The following ARHGAP42 variants were observed in gnomAD, a reference collection of about 807,000 sequenced individuals.
ARHGAP42 encodes the protein Rho GTPase activating protein 42, also known as rho GTPase-activating protein 42.
A neutral mutation model predicts 125.0 loss-of-function variants in ARHGAP42; 63 were observed. The ratio of observed to expected loss-of-function variants is 0.50; its 90% CI spans 0.41 to 0.62. The LOEUF is 0.62. Among genes scored for constraint, ARHGAP42 ranks in the 20% least tolerant of loss-of-function variants. ARHGAP42 has a pLI of 0.00. For missense variants in ARHGAP42, 766 were observed against 1,024.2 expected, an observed-to-expected ratio of 0.75 and a Z score of 3.44; for synonymous variants, 339 against 351.0, an observed-to-expected ratio of 0.97 and a Z score of 0.38.
intron 1 of ARHGAP42, among the ~76,000 whole-genome samples, chr11:100,695,633 G>T (rs1028443904): frequency 1.3e-5 from 2 of 152,032 alleles, no homozygotes; most frequent in Admixed American, 1.3e-4. Context: ...AGAATATTTG[G>T]TTAATCAGAA....
At chr11:100,957,288 T>A (rs541056) in intron 12 of ARHGAP42, among the ~76,000 whole-genome samples, 1 of 151,864 alleles carries the variant, frequency 6.6e-6, no homozygotes, top group Non-Finnish European at 1.5e-5. Context: ...ATAGCAGTGA[T>A]GTGTAGACAG....
chr11:100,979,098 G>T (rs761653799), intron 22 of ARHGAP42, 49 bp downstream of exon 22: 2 of 1,529,468 alleles, frequency 1.3e-6, no homozygotes, highest in South Asian at 1.2e-5. Context: ...TGGTGACATT[G>T]TTGCTTTGTA....
chr11:100,847,825 G>A (rs1398427932), intron 3 of ARHGAP42, among the ~76,000 whole-genome samples: 2 of 152,114 alleles, frequency 1.3e-5, no homozygotes, highest in South Asian at 2.1e-4. Context: ...TGAGGTGTCC[G>A]TGGGAGTGGG....
At chr11:100,836,675 G>A (rs1864793916) in intron 3 of ARHGAP42, among the ~76,000 whole-genome samples, 1 of 147,394 alleles carries the variant, frequency 6.8e-6, no homozygotes, top group African/African-American at 2.5e-5. Flanking sequence ...TCTTTTAAAT[G>A]TAAAACCTAA....
intron 4 of ARHGAP42, among the ~76,000 whole-genome samples, chr11:100,891,655 C>T (rs1866222374): frequency 6.6e-6 from 1 of 152,090 alleles, no homozygotes; most frequent in African/African-American, 2.4e-5. Context: ...GTTAGCCAAA[C>T]TGGCCTCAAA....
In ARHGAP42 at chr11:100,962,392, T is replaced by C; in HGVS notation, c.1386-17T>C. 1.3e-6 allele frequency: 2 copies of C among 1,547,956 alleles called. No individual in the cohort carries two copies. The highest frequency in any genetic ancestry group is 1.7e-6 in the Non-Finnish European group (2 of 1,143,970). ...AGATTCTACTATTCTAACATGTGTTTCCTTTCTCTGTTGTAGGTGCCTTGC... is the reference window on the plus strand; with the variant it reads ...AGATTCTACTATTCTAACATGTGTTCCCTTTCTCTGTTGTAGGTGCCTTGC... On this transcript the variant is annotated splice_polypyrimidine_tract_variant and intron_variant, in intron 15 of 23. Coordinates refer to ENST00000298815, the MANE Select transcript of ARHGAP42 (RefSeq NM_152432.4).
At chr11:100,737,871 G>C (rs1164768583) in intron 1 of ARHGAP42, among the ~76,000 whole-genome samples, 1 of 152,174 alleles carries the variant, frequency 6.6e-6, no homozygotes, top group Admixed American at 6.5e-5. Context: ...TTAGTTGCTT[G>C]CCTATTGCTC....
chr11:100,973,469 G>GT, intron 18 of ARHGAP42, 135 bp downstream of exon 18: 1 of 888,782 alleles, frequency 1.1e-6, no homozygotes, highest in Non-Finnish European at 1.7e-6. Flanking sequence ...TTTCCTTGTT[G>GT]TTTTTAAGTG....
At chr11:100,869,226 C>T (rs146058548) in intron 4 of ARHGAP42, among the ~76,000 whole-genome samples, 118 of 152,036 alleles carry the variant, frequency 7.8e-4, no homozygotes, top group African/African-American at 2.7e-3. Flanking sequence ...AGATATAGCA[C>T]TCTTATAAAG....
chr11:100,959,255 A>G lies in ARHGAP42; in HGVS notation c.1163-628A>G, dbSNP rs115745727. ...TGATCCAAAGAAAATCTAGCCAAAA[A>G]ACAATGAAAATAAATTGCAATTTCA... On this transcript the variant is annotated intron_variant, in intron 12 of 23. Transcript: ENST00000298815. Among the ~76,000 whole-genome samples the G allele has an allele frequency of 4.6e-3, 700 of 152,246 alleles. 7 individuals carry two copies. Among genetic ancestry groups the G allele is most frequent in the African/African-American group, 0.016 (658 of 41,568 alleles).
At chr11:100,896,355 C>T (rs1394183991) in intron 4 of ARHGAP42, among the ~76,000 whole-genome samples, 3 of 152,130 alleles carry the variant, frequency 2.0e-5, no homozygotes, top group Non-Finnish European at 4.4e-5. Flanking sequence ...TGGGTATATA[C>T]CCAGTAATGG....
chr11:100,871,581 G>A (rs901941964), intron 4 of ARHGAP42, among the ~76,000 whole-genome samples: 10 of 150,480 alleles, frequency 6.6e-5, no homozygotes, highest in African/African-American at 2.2e-4. Context: ...AAAAAAGCCT[G>A]TTTCCAGTAT....
chr11:100,838,725 G>GA lies in ARHGAP42; in HGVS notation c.313-20819dup, dbSNP rs71914749. On this transcript the variant is annotated intron_variant, in intron 3 of 23. Coordinates refer to ENST00000298815, the MANE Select transcript of ARHGAP42 (RefSeq NM_152432.4). ...AAACAAAATAAAACAAAAACACCAA[G>GA]AAAAAAAAAATCATAGTGTTTAAAA... 2.4e-3 allele frequency among the ~76,000 whole-genome samples: 352 copies of GA among 149,616 alleles called. 1 individual carries two copies. Among genetic ancestry groups the GA allele is most frequent in the Admixed American group, 3.5e-3 (53 of 15,072 alleles).
chr11:100,721,553 A>G (rs1332924270), intron 1 of ARHGAP42, among the ~76,000 whole-genome samples: 1 of 151,300 alleles, frequency 6.6e-6, no homozygotes, highest in Admixed American at 6.6e-5. Context: ...GCTCACTGCA[A>G]CCTCTGCCTC....
At chr11:100,719,562 T>C (rs973472829) in intron 1 of ARHGAP42, among the ~76,000 whole-genome samples, 39 of 152,182 alleles carry the variant, frequency 2.6e-4, no homozygotes, top group Admixed American at 1.5e-3. Flanking sequence ...GAGGTCAGAT[T>C]TGTGATGCAA....
chr11:100,699,575 G>T, intron 1 of ARHGAP42, among the ~76,000 whole-genome samples: 1 of 126,118 alleles, frequency 7.9e-6, no homozygotes, highest in African/African-American at 3.0e-5. Flanking sequence ...CAGGCTGGAG[G>T]GCAATGGCGT....
intron 3 of ARHGAP42, among the ~76,000 whole-genome samples, chr11:100,842,343 C>T (rs563422558): frequency 6.6e-6 from 1 of 152,264 alleles, no homozygotes; most frequent in East Asian, 1.9e-4. Context: ...AGAACCTATT[C>T]AAGTTTTGCA....
chr11:100,903,115 G>GCACACA (rs1480178280), intron 4 of ARHGAP42, among the ~76,000 whole-genome samples: 4 of 13,718 alleles, frequency 2.9e-4, no homozygotes, highest in South Asian at 1.7e-3. Flanking sequence ...TGTCCAAGAT[G>GCACACA]CGCACACACA....
intron 4 of ARHGAP42, among the ~76,000 whole-genome samples, chr11:100,875,543 A>G (rs1298440602): frequency 6.6e-6 from 1 of 152,178 alleles, no homozygotes; most frequent in Non-Finnish European, 1.5e-5. Context: ...GAGGGTTTGC[A>G]GTGAGGCAGC....
Sources: allele counts gnomAD v4.1 joint callset (sites outside exome capture counted in the v4.1 genomes callset), GRCh38; gene constraint gnomAD v4.1.1; transcripts MANE v1.5; gene names NCBI Gene and HGNC (gene_info 2026-07-23, HGNC 2026-07-21).